Variants in AGMO observed in about 807,000 individuals in gnomAD.
AGMO encodes the protein alkylglycerol monooxygenase.
In AGMO, 75 loss-of-function variants were observed where a neutral mutation model predicts 60.2. The observed-to-expected ratio is 1.25, with a 90% confidence interval of 1.03 to 1.51. The LOEUF is 1.51. Ranked by LOEUF, AGMO falls within the 40% of genes most tolerant of loss-of-function variation. AGMO has a pLI of 0.00. For missense variants in AGMO, 763 were observed against 525.5 expected (o/e 1.45, Z -4.42); for synonymous variants, 261 against 177.1 (o/e 1.47, Z -3.76).
At chr7:15,198,251 G>GAGAGAGAC (rs1781183663), downstream of AGMO, among the ~76,000 whole-genome samples, 43 of 74,298 alleles carry the variant, frequency 5.8e-4, no homozygotes, top group South Asian at 2.5e-3. Flanking sequence ...GAGAGAGAGA[G>GAGAGAGAC]AGAGACAGAG....
chr7:15,464,324 G>A (rs753208918), intron 3 of AGMO, among the ~76,000 whole-genome samples: 13 of 152,114 alleles, frequency 8.5e-5, no homozygotes, highest in Non-Finnish European at 1.8e-4. Context: ...CTTGGCTGCT[G>A]ACACTCTTTT....
rs769727542 is a variant in AGMO, at chr7:15,390,776, G to C, written c.743-26C>G. Reference sequence around the variant, plus strand: ...CTGGAAGATAAATATAAAGATATGAGATTTGGCTTCCTGTAAAGTAAAGGA... The same window carrying C: ...CTGGAAGATAAATATAAAGATATGACATTTGGCTTCCTGTAAAGTAAAGGA... On this transcript the variant is annotated intron_variant, in intron 7 of 12. Coordinates refer to ENST00000342526, the MANE Select transcript of AGMO (RefSeq NM_001004320.2). The C allele has an allele frequency of 1.9e-6, 3 of 1,594,910 alleles. No individual in the cohort carries two copies. In the African/African-American group the frequency reaches 4.0e-5, roughly 21 times the overall value.
intron 12 of AGMO, among the ~76,000 whole-genome samples, chr7:15,275,228 A>G (rs138285040): frequency 1.2e-3 from 188 of 152,178 alleles, no homozygotes; most frequent in African/African-American, 4.4e-3. Flanking sequence ...TGTATCCCAG[A>G]TATTTGGTAT....
At chr7:15,491,412 C>T (rs1014794116) in intron 3 of AGMO, among the ~76,000 whole-genome samples, 1 of 152,040 alleles carries the variant, frequency 6.6e-6, no homozygotes, top group African/African-American at 2.4e-5. Flanking sequence ...TAGTTGCCCT[C>T]CATTAGTTGA....
chr7:15,407,183 G>A (rs970998513), intron 5 of AGMO, among the ~76,000 whole-genome samples: 3 of 143,032 alleles, frequency 2.1e-5, no homozygotes, highest in South Asian at 2.2e-4. Flanking sequence ...TTAGTGACAA[G>A]GGTGCCAGTT....
Position 15,299,510 on chromosome 7 carries a change from G to T in AGMO, c.1263+66004C>A, listed in dbSNP as rs75848387. On this transcript the variant is annotated intron_variant, in intron 12 of 12. Transcript: ENST00000342526. Reference sequence around the variant, plus strand: ...ATGCGAGCATTCACTAAGGGCTAATGCTGTGTTTCATGGATTGGAAGTATA... The same window carrying T: ...ATGCGAGCATTCACTAAGGGCTAATTCTGTGTTTCATGGATTGGAAGTATA... 2.8e-3 allele frequency among the ~76,000 whole-genome samples: 433 copies of T among 152,170 alleles called. 4 individuals are homozygous for T. Among genetic ancestry groups the T allele is most frequent in the Middle Eastern group, 0.024 (7 of 294 alleles).
chr7:15,430,620 T>G (rs1053780938), intron 4 of AGMO, among the ~76,000 whole-genome samples: 1 of 119,888 alleles, frequency 8.3e-6, no homozygotes, highest in Admixed American at 8.4e-5. Context: ...AAAAAACAAC[T>G]GGTTTTTTTT....
chr7:15,192,516 T>C, the AGMO span, among the ~76,000 whole-genome samples: 3 of 152,120 alleles, frequency 2.0e-5, no homozygotes, highest in African/African-American at 7.2e-5. Context: ...GCCACCTCCA[T>C]CACTCAGTAA....
chr7:15,120,212 T>C, the AGMO span, among the ~76,000 whole-genome samples: 1 of 152,192 alleles, frequency 6.6e-6, no homozygotes, highest in South Asian at 2.1e-4. Flanking sequence ...CTCTTTGAAG[T>C]CACCCCCACT....
intron 6 of AGMO, among the ~76,000 whole-genome samples, chr7:15,392,056 TA>T (rs1452521709): frequency 2.6e-5 from 4 of 151,960 alleles, no homozygotes; most frequent in African/African-American, 9.7e-5. Flanking sequence ...CGACTTCCTA[TA>T]TTTTTTATTT....
At chr7:15,553,426 G>A (rs1315861502) in intron 2 of AGMO, among the ~76,000 whole-genome samples, 7 of 152,036 alleles carry the variant, frequency 4.6e-5, no homozygotes, top group African/African-American at 1.7e-4. Flanking sequence ...AATGGCTTAA[G>A]TATTAGCACA....
At chr7:15,376,778 G>A (rs558079906) in intron 10 of AGMO, among the ~76,000 whole-genome samples, 1 of 152,046 alleles carries the variant, frequency 6.6e-6, no homozygotes, top group Non-Finnish European at 1.5e-5. Context: ...GACACTGGCA[G>A]CTGAGGAATT....
At chr7:15,195,340 G>A (rs62448918), downstream of AGMO, among the ~76,000 whole-genome samples, 5,425 of 152,282 alleles carry the variant, frequency 0.036, 136 homozygotes, top group Middle Eastern at 0.078. Context: ...TGCAGGGAGA[G>A]ATGGGTGCCC....
intron 3 of AGMO, among the ~76,000 whole-genome samples, chr7:15,522,890 A>G (rs144116633): frequency 0.01 from 1,578 of 152,304 alleles, 13 homozygotes; most frequent in African/African-American, 0.035. Flanking sequence ...AAAAGAAACT[A>G]TCATCGGCAT....
At chr7:15,501,701 G>C (rs1783389526) in intron 3 of AGMO, among the ~76,000 whole-genome samples, 1 of 151,892 alleles carries the variant, frequency 6.6e-6, no homozygotes, top group Non-Finnish European at 1.5e-5. Flanking sequence ...AATAGGCCTA[G>C]GACATTAATT....
chr7:15,486,808 T>A (rs1435892092), intron 3 of AGMO, among the ~76,000 whole-genome samples: 1 of 152,208 alleles, frequency 6.6e-6, no homozygotes, highest in East Asian at 1.9e-4. Flanking sequence ...GGAATACTTT[T>A]TACTGCTAAA....
At chr7:15,431,978 C>T (rs1781254496) in intron 3 of AGMO, among the ~76,000 whole-genome samples, 1 of 151,624 alleles carries the variant, frequency 6.6e-6, no homozygotes, top group Non-Finnish European at 1.5e-5. Context: ...AATTGTATTG[C>T]CATTTTTCAT....
chr7:15,181,579 T>G, the AGMO span, among the ~76,000 whole-genome samples: 1 of 152,210 alleles, frequency 6.6e-6, no homozygotes, highest in African/African-American at 2.4e-5. Flanking sequence ...CTTAATGCAA[T>G]AGGTTTTCAG....
At chr7:15,475,045 G>A (rs758140798) in intron 3 of AGMO, among the ~76,000 whole-genome samples, 6 of 152,126 alleles carry the variant, frequency 3.9e-5, no homozygotes, top group Non-Finnish European at 8.8e-5. Context: ...GGAAACAACA[G>A]ATGCTGGAGA....
Sources: gnomAD v4.1 joint callset for allele counts (sites outside exome capture counted in the v4.1 genomes callset) on GRCh38, gnomAD v4.1.1 for gene constraint, MANE v1.5 for transcripts, NCBI Gene and HGNC (gene_info 2026-07-23, HGNC 2026-07-21) for gene names.